The following MS4A6A variants were observed in gnomAD, a reference collection of about 807,000 sequenced individuals.
MS4A6A encodes membrane spanning 4-domains A6A.
In MS4A6A, 19 loss-of-function variants were observed where a neutral mutation model predicts 20.6. The ratio of observed to expected loss-of-function variants is 0.92; its 90% CI spans 0.64 to 1.36. MS4A6A has a LOEUF of 1.36. Among genes scored for constraint, MS4A6A ranks in the 40% most tolerant of loss-of-function variants. The probability of loss-of-function intolerance (pLI) is 0.00; values close to 1 mark genes in which losing one functional copy is unlikely to be tolerated. For synonymous variants in MS4A6A, 108 were observed against 105.0 expected, an observed-to-expected ratio of 1.03 and a Z score of -0.17; for missense variants, 272 against 261.1, an observed-to-expected ratio of 1.04 and a Z score of -0.29.
At chr11:60,174,635 T>C (rs1392025727) in intron 5 of MS4A6A, among the ~76,000 whole-genome samples, 1 of 152,180 alleles carries the variant, frequency 6.6e-6, no homozygotes, top group Admixed American at 6.5e-5. Context: ...CCCTTTACTC[T>C]TATGTTGCCT....
chr11:60,173,198 T>A, intron 5 of MS4A6A, 69 bp from the exon 6 acceptor site: 1 of 1,403,946 alleles, frequency 7.1e-7, no homozygotes, highest in East Asian at 2.3e-5. Context: ...AGTTGAGAGG[T>A]GACCATAGAG....
chr11:60,174,257 C>T (rs1356438762), intron 5 of MS4A6A, among the ~76,000 whole-genome samples: 1 of 152,086 alleles, frequency 6.6e-6, no homozygotes, highest in Non-Finnish European at 1.5e-5. Context: ...GTCCATCTTC[C>T]AGCTGAGTTC....
At chr11:60,180,811 C>T (rs1590682773) in intron 2 of MS4A6A, 10 of 325,018 alleles carry the variant, frequency 3.1e-5, no homozygotes, top group South Asian at 2.2e-4. Context: ...AGGTAGTTTT[C>T]CTTCCTGACA....
At chr11:60,175,280 C>T in intron 5 of MS4A6A, 122 bp downstream of exon 5, 1 of 725,044 alleles carries the variant, frequency 1.4e-6, no homozygotes, top group Non-Finnish European at 2.2e-6. Flanking sequence ...TTACATAAAC[C>T]TGGCTTTCCC....
intron 3 of MS4A6A, 150 bp downstream of exon 3, chr11:60,179,681 G>A: frequency 1.2e-6 from 1 of 851,876 alleles, no homozygotes; most frequent in Non-Finnish European, 2.0e-6. Flanking sequence ...AGCAACCCCT[G>A]TCATCCTACC....
intron 5 of MS4A6A, among the ~76,000 whole-genome samples, chr11:60,174,933 T>G (rs1856761123): frequency 6.6e-6 from 1 of 151,526 alleles, no homozygotes; most frequent in Non-Finnish European, 1.5e-5. Flanking sequence ...TATCTTCTCA[T>G]CCCATATTTC....
intron 4 of MS4A6A, among the ~76,000 whole-genome samples, chr11:60,176,102 C>T (rs1168318562): frequency 6.6e-6 from 1 of 152,202 alleles, no homozygotes; most frequent in African/African-American, 2.4e-5. Context: ...TTTGCACCAA[C>T]CTAATAGCTC....
In MS4A6A at chr11:60,178,299, A is replaced by T; in HGVS notation, c.300T>A (p.Ser100=). 6 of 1,613,690 alleles carry T rather than the reference A, an allele frequency of 3.7e-6. No homozygotes were observed. Among genetic ancestry groups the T allele is most frequent in the Non-Finnish European group, 5.1e-6 (6 of 1,179,622 alleles). The change falls in exon 4 of 6, where the codon TCT becomes TCA. Residue 100 remains serine, a synonymous_variant. Transcript: ENST00000528851. ...ACCTTTTCTCTGTGGCGATTGATAG[A>T]GAGCCAGAGATGATAAACTAAGATA... is the stretch of plus-strand genomic sequence containing the variant. ...IGPFFFIISG[S]LSIATEKRLT...
In MS4A6A at chr11:60,173,178, C is replaced by T. The variant is rs117018703; in HGVS notation, c.550-49G>A. 1.0e-2 allele frequency: 15,362 copies of T among 1,539,144 alleles called. 191 individuals are homozygous for T. The highest frequency in any genetic ancestry group is 0.047 in the South Asian group (4,213 of 89,300). On this transcript the variant is annotated intron_variant, in intron 5 of 5. Transcript: ENST00000528851. The stretch of plus-strand genomic sequence containing the variant: ...TGATGTTGCTTAGGTCAGCTGAAGC[C>T]TTCATGCCTAGTTGAGAGGTGACCA...
intron 1 of MS4A6A, 121 bp downstream of exon 1, chr11:60,182,857 T>A: frequency 2.7e-6 from 1 of 369,230 alleles, no homozygotes; most frequent in Admixed American, 4.9e-5. Flanking sequence ...TTGCCCACTC[T>A]ATTTCCAAAA....
chr11:60,181,737 G>A lies in MS4A6A; in HGVS notation c.-10C>T. 1 of 1,613,540 alleles carries A rather than the reference G, an allele frequency of 6.2e-7. No homozygotes were observed. Among genetic ancestry groups the A allele is most frequent in the Non-Finnish European group, 8.5e-7 (1 of 1,179,648 alleles). ...CAGGTTGTGATGTCATGATGGTGTT[G>A]CCAACTATGTAAGAAAAAATAGATT... On this transcript the variant is annotated 5_prime_UTR_variant, in exon 2 of 6. Coordinates refer to ENST00000528851, the MANE Select transcript of MS4A6A (RefSeq NM_022349.4).
At chr11:60,180,226 T>C (rs1198400563) in intron 2 of MS4A6A, 2 of 496,090 alleles carry the variant, frequency 4.0e-6, no homozygotes, top group African/African-American at 3.9e-5. Context: ...CCTGGTCTGC[T>C]CATGAGACTT....
intron 4 of MS4A6A, among the ~76,000 whole-genome samples, chr11:60,176,291 T>A (rs1438308734): frequency 6.6e-6 from 1 of 152,076 alleles, no homozygotes; most frequent in South Asian, 2.1e-4. Flanking sequence ...GTGTAATGTG[T>A]GGGAGGCAGC....
At chr11:60,179,750 G>A in intron 3 of MS4A6A, 81 bp downstream of exon 3, 1 of 1,508,526 alleles carries the variant, frequency 6.6e-7, no homozygotes, top group Admixed American at 1.7e-5. Context: ...AACATAGCAA[G>A]CTGGCAGGTG....
intron 4 of MS4A6A, chr11:60,177,991 G>A: frequency 2.5e-6 from 1 of 399,786 alleles, no homozygotes; most frequent in Non-Finnish European, 4.5e-6. Context: ...TCATAAACAG[G>A]CACAATTTCT....
intron 3 of MS4A6A, 71 bp from the exon 4 acceptor site, chr11:60,178,387 T>G (rs1856958353): frequency 8.1e-7 from 1 of 1,235,584 alleles, no homozygotes; most frequent in African/African-American, 1.5e-5. Flanking sequence ...TATCACAATG[T>G]TTATAGACAA....
Position 60,183,015 on chromosome 11 carries a change from C to G in MS4A6A, c.-52G>C. ...GTTCCAGCTGAGTCCTCAGAAGCTC[C>G]AAAGAGGTTTTAACTCTGGTTTCTC... On this transcript the variant is annotated 5_prime_UTR_variant, in exon 1 of 6. Coordinates refer to ENST00000528851, the MANE Select transcript of MS4A6A (RefSeq NM_022349.4). The G allele has an allele frequency of 7.1e-7, 1 of 1,418,046 alleles. No homozygotes were observed. The allele number at this position is 1,418,046 out of a possible 1,614,324, so 87.8% of individuals were successfully genotyped here.
intron 3 of MS4A6A, chr11:60,179,494 T>G: frequency 5.1e-6 from 3 of 583,764 alleles, no homozygotes; most frequent in Non-Finnish European, 6.1e-6. Flanking sequence ...TATGCTCTTT[T>G]TTTTTTTTGT....
rs754574003 is a variant in MS4A6A, at chr11:60,179,898, G to A, written c.215C>T (p.Ser72Phe). 25 of 1,613,968 alleles carry A rather than the reference G, an allele frequency of 1.5e-5. No homozygotes were observed. The Admixed American group carries it at 4.2e-4, about 27-fold the overall frequency. ...LGIILASASF[S>F]PNFTQVTSTL... ...AGAAGTCACTTGGGTAAAATTTGGA[G>A]AGAAGGAAGCAGATGCCAAAATGAT... Residue 72 changes from serine (S) to phenylalanine (F), a missense_variant, in exon 3 of 6, where the codon TCT becomes TTT. Ser to Phe is a radical substitution (Grantham distance 155). Transcript: ENST00000528851.
Sources: allele counts gnomAD v4.1 joint callset (sites outside exome capture counted in the v4.1 genomes callset), GRCh38; gene constraint gnomAD v4.1.1; transcripts MANE v1.5; gene names NCBI Gene and HGNC (gene_info 2026-07-23, HGNC 2026-07-21).